SLC39A10: variants seen among roughly 807,000 people sequenced by gnomAD.
The protein encoded by SLC39A10 is solute carrier family 39 member 10.
SLC39A10 carries 13 observed loss-of-function variants against 65.1 expected under a neutral mutation model. The ratio of observed to expected loss-of-function variants is 0.20; its 90% CI spans 0.13 to 0.32. The LOEUF (loss-of-function observed/expected upper bound fraction) is 0.32, where lower values mean the gene tolerates loss of function less well. Among genes scored for constraint, SLC39A10 ranks in the 10% least tolerant of loss-of-function variants. The pLI is 1.00. For synonymous variants in SLC39A10, 321 were observed against 342.2 expected, an observed-to-expected ratio of 0.94 and a Z score of 0.68; for missense variants, 831 against 1,018.4, an observed-to-expected ratio of 0.82 and a Z score of 2.50.
At chr2:195,682,571 G>C (rs1690367088) in intron 2 of SLC39A10, among the ~76,000 whole-genome samples, 1 of 152,008 alleles carries the variant, frequency 6.6e-6, no homozygotes, top group Non-Finnish European at 1.5e-5. Context: ...GGATTACAGT[G>C]CATTAATTAT....
At chr2:195,613,671 ACTGT>A (rs1234263086) in intron 2 of SLC39A10, among the ~76,000 whole-genome samples, 1 of 152,216 alleles carries the variant, frequency 6.6e-6, no homozygotes, top group African/African-American at 2.4e-5. Context: ...AAGCTTTTAG[ACTGT>A]CTTTTTCATC....
At chr2:195,627,066 G>T (rs1182588810) in intron 2 of SLC39A10, among the ~76,000 whole-genome samples, 1 of 152,132 alleles carries the variant, frequency 6.6e-6, no homozygotes, top group Non-Finnish European at 1.5e-5. Flanking sequence ...ACAGCTCAAA[G>T]ATTTGCCTTA....
intron 7 of SLC39A10, 118 bp from the exon 8 acceptor site, chr2:195,718,134 T>C: frequency 3.0e-6 from 2 of 676,536 alleles, no homozygotes; most frequent in Non-Finnish European, 5.0e-6. Context: ...GATAAGTGAG[T>C]CACTCATATG....
intron 3 of SLC39A10, among the ~76,000 whole-genome samples, chr2:195,693,583 T>A (rs1045267696): frequency 1.3e-5 from 2 of 152,164 alleles, no homozygotes; most frequent in Admixed American, 6.5e-5. Flanking sequence ...CTGGTTTATG[T>A]GTGTAAAGGT....
At chr2:195,674,690 G>A (rs904357066) in intron 1 of SLC39A10, 4 of 967,220 alleles carry the variant, frequency 4.1e-6, no homozygotes, top group Non-Finnish European at 4.9e-6. Context: ...AGTATGTTCT[G>A]AGGTGCAGGC....
chr2:195,726,768 C>A (rs182677060), intron 8 of SLC39A10, among the ~76,000 whole-genome samples: 2 of 152,168 alleles, frequency 1.3e-5, no homozygotes, highest in Admixed American at 1.3e-4. Context: ...AACCTTGTAA[C>A]CATGAGAGGT....
intron 1 of SLC39A10, among the ~76,000 whole-genome samples, chr2:195,669,725 C>G (rs1040155611): frequency 6.6e-6 from 1 of 152,040 alleles, no homozygotes; most frequent in Non-Finnish European, 1.5e-5. Context: ...AGGCTGGGCA[C>G]GATGGCTTAC....
chr2:195,680,916 C>G lies in SLC39A10; in HGVS notation c.874C>G (p.Arg292Gly), dbSNP rs759336479. Residue 292 changes from arginine to glycine, a missense_variant, in exon 2 of 10, where the codon CGT becomes GGT. Arg to Gly is a moderately radical substitution (Grantham distance 125). Around this residue, in one of 4 missense-constraint regions of SLC39A10, gnomAD observed 446 missense variants for 499.2 expected, o/e 0.89. Transcript: ENST00000359634. ...LPERNGHDPG[R>G]GHQDLDPDNE... ...AGAACGTAATGGTCATGATCCTGGT[C>G]GTGGACACCAAGATCTTGATCCTGA... 8.1e-6 allele frequency: 13 copies of G among 1,613,842 alleles called. No individual in the cohort carries two copies. The highest frequency in any genetic ancestry group is 1.3e-5 in the African/African-American group (1 of 74,850).
At chr2:195,676,000 TTAG>T (rs76668438) in intron 1 of SLC39A10, among the ~76,000 whole-genome samples, 12,747 of 152,162 alleles carry the variant, frequency 0.084, 574 homozygotes, top group African/African-American at 0.1. Flanking sequence ...GCCTAGATTA[TTAG>T]TCATCATGTT....
In SLC39A10 at chr2:195,681,263, A is replaced by G. The variant is rs1345152477; in HGVS notation, c.1008+213A>G. Among the ~76,000 whole-genome samples the G allele has an allele frequency of 3.9e-5, 6 of 152,218 alleles. No individual in the cohort carries two copies. In the East Asian group the frequency reaches 1.2e-3, roughly 29 times the overall value. ...TTTAAGTATCCGGGCGCGGTGGCTCACACCTGTAATCCCAGCACTTTGGGA... is the reference window on the plus strand; with the variant it reads ...TTTAAGTATCCGGGCGCGGTGGCTCGCACCTGTAATCCCAGCACTTTGGGA... On this transcript the variant is annotated intron_variant, in intron 2 of 9. Coordinates refer to ENST00000359634, the MANE Select transcript of SLC39A10 (RefSeq NM_020342.3).
chr2:195,727,344 A>T (rs1015626574), intron 8 of SLC39A10, among the ~76,000 whole-genome samples: 2 of 152,144 alleles, frequency 1.3e-5, no homozygotes, highest in African/African-American at 4.8e-5. Flanking sequence ...CAGCACAGTT[A>T]GAAACAGACT....
chr2:195,727,538 A>AC (rs1692288867), intron 8 of SLC39A10, among the ~76,000 whole-genome samples: 1 of 151,708 alleles, frequency 6.6e-6, no homozygotes, highest in African/African-American at 2.4e-5. Flanking sequence ...TCTGGGAAAA[A>AC]AAAATAACTG....
rs146836861 is a variant in SLC39A10 at position 195,676,194 on chromosome 2, G to A, written c.-11-3838G>A. Among the ~76,000 whole-genome samples the A allele has an allele frequency of 1.5e-3, 214 of 146,832 alleles. 1 individual carries two copies. The highest frequency in any genetic ancestry group is 5.2e-3 in the African/African-American group (207 of 39,740). On this transcript the variant is annotated intron_variant, in intron 1 of 9. Transcript: ENST00000359634. ...GCTATAAGCTTCCCCCTCCCCTGCC[G>A]CCACCGAGACAGAGTCTTGCTGTGT...
chr2:195,646,354 C>T (rs1158909379), intron 2 of SLC39A10, among the ~76,000 whole-genome samples: 2 of 152,186 alleles, frequency 1.3e-5, no homozygotes, highest in Non-Finnish European at 2.9e-5. Context: ...TCCACTGTCA[C>T]TTCTCACATG....
intron 1 of SLC39A10, among the ~76,000 whole-genome samples, chr2:195,671,091 C>A (rs1002260813): frequency 6.6e-6 from 1 of 152,122 alleles, no homozygotes; most frequent in Admixed American, 6.5e-5. Context: ...CAGTCACTCC[C>A]CACACCAAAG....
chr2:195,683,527 A>C (rs1300836641), intron 2 of SLC39A10, among the ~76,000 whole-genome samples, 172 bp from the exon 3 acceptor site: 1 of 152,060 alleles, frequency 6.6e-6, no homozygotes, highest in Non-Finnish European at 1.5e-5. Flanking sequence ...AATATAGTTG[A>C]GTGTATCCCT....
At chr2:195,706,271 C>T (rs1043249323) in intron 3 of SLC39A10, among the ~76,000 whole-genome samples, 1 of 151,050 alleles carries the variant, frequency 6.6e-6, no homozygotes, top group African/African-American at 2.4e-5. Flanking sequence ...AAATAAACAG[C>T]TTTATTGTTG....
At chr2:195,683,146 T>A (rs565721589) in intron 2 of SLC39A10, among the ~76,000 whole-genome samples, 2 of 134,226 alleles carry the variant, frequency 1.5e-5, no homozygotes, top group African/African-American at 5.3e-5. Flanking sequence ...TTAATCAGTT[T>A]TAAGCTTACT....
intron 2 of SLC39A10, among the ~76,000 whole-genome samples, chr2:195,634,185 T>G (rs1688653740): frequency 6.6e-6 from 1 of 152,252 alleles, no homozygotes; most frequent in South Asian, 2.1e-4. Flanking sequence ...AGAACACTGG[T>G]TGTGTTAACA....
Sources: allele counts gnomAD v4.1 joint callset (sites outside exome capture counted in the v4.1 genomes callset), GRCh38; gene constraint gnomAD v4.1.1; regional missense constraint gnomAD v4.1.1; transcripts MANE v1.5; gene names NCBI Gene and HGNC (gene_info 2026-07-23, HGNC 2026-07-21).